The following CHUK variants were observed in gnomAD, a reference collection of about 807,000 sequenced individuals.
CHUK encodes component of inhibitor of nuclear factor kappa B kinase complex.
CHUK carries 35 observed loss-of-function variants against 104.8 expected under a neutral mutation model. The ratio of observed to expected loss-of-function variants is 0.33; its 90% CI spans 0.26 to 0.44. The LOEUF (loss-of-function observed/expected upper bound fraction) is 0.44, where lower values mean the gene tolerates loss of function less well. Ranked by LOEUF, CHUK falls within the 20% of genes least tolerant of loss-of-function variation. The pLI, the probability that CHUK is intolerant of heterozygous loss-of-function variation, is 1.00. For missense variants in CHUK, 663 were observed against 902.7 expected (o/e 0.73, Z 3.40); for synonymous variants, 276 against 291.9 (o/e 0.95, Z 0.56).
intron 14 of CHUK, among the ~76,000 whole-genome samples, chr10:100,201,797 G>A (rs1436913331): frequency 1.3e-5 from 2 of 152,134 alleles, no homozygotes; most frequent in Non-Finnish European, 2.9e-5. Flanking sequence ...AGGCTGCAGT[G>A]AGCTTTGATC....
intron 13 of CHUK, among the ~76,000 whole-genome samples, chr10:100,203,132 C>T (rs1845509215): frequency 6.6e-6 from 1 of 152,160 alleles, no homozygotes; most frequent in African/African-American, 2.4e-5. Context: ...AAAAGACTCT[C>T]TCTTCTACCC....
intron 18 of CHUK, 87 bp downstream of exon 18, chr10:100,193,897 G>A: frequency 1.7e-6 from 2 of 1,196,034 alleles, no homozygotes; most frequent in Non-Finnish European, 2.5e-6. Flanking sequence ...TCTTCAAGAG[G>A]GCCCACCTCA....
intron 4 of CHUK, among the ~76,000 whole-genome samples, chr10:100,221,328 G>A (rs760033960): frequency 3.3e-5 from 5 of 151,970 alleles, no homozygotes; most frequent in Admixed American, 1.3e-4. Context: ...CCAGCTACTC[G>A]GGAGGCTGAG....
chr10:100,194,368 G>T, intron 17 of CHUK, 57 bp downstream of exon 17: 1 of 1,306,378 alleles, frequency 7.7e-7, no homozygotes, highest in Non-Finnish European at 1.1e-6. Flanking sequence ...TGTACTTTGA[G>T]AGGAACAAGA....
chr10:100,201,202 C>T (rs1486116851), intron 14 of CHUK, among the ~76,000 whole-genome samples: 2 of 151,948 alleles, frequency 1.3e-5, no homozygotes, highest in Non-Finnish European at 2.9e-5. Flanking sequence ...GATTTCCCAC[C>T]CCAGGACACC....
chr10:100,221,824 G>C (rs1230198412), intron 4 of CHUK, among the ~76,000 whole-genome samples: 1 of 152,168 alleles, frequency 6.6e-6, no homozygotes, highest in Non-Finnish European at 1.5e-5. Context: ...TTTTAGTAGA[G>C]ATGGGGTTTC....
chr10:100,208,112 AT>A (rs927765687), intron 10 of CHUK, among the ~76,000 whole-genome samples: 8 of 148,958 alleles, frequency 5.4e-5, no homozygotes, highest in Admixed American at 6.7e-5. Context: ...ACAAAAAGAA[AT>A]TTTTTTTTTT....
intron 16 of CHUK, chr10:100,195,822 T>G (rs1251705527): frequency 2.6e-5 from 4 of 152,264 alleles, no homozygotes; most frequent in Non-Finnish European, 5.9e-5. Flanking sequence ...GGTAGCAGTT[T>G]ATTTCTGAGC....
Position 100,199,968 on chromosome 10 carries a change from T to C in CHUK, c.1729+3A>G. 1 of 1,607,816 alleles carries C rather than the reference T, an allele frequency of 6.2e-7. No homozygotes were observed. The highest frequency in any genetic ancestry group is 2.2e-5 in the East Asian group (1 of 44,800). On this transcript the variant is annotated splice_donor_region_variant and intron_variant, in intron 16 of 20. Coordinates refer to ENST00000370397, the MANE Select transcript of CHUK (RefSeq NM_001278.5). ...TTCAAGCACTGTGGTAGAAGTGTCT[T>C]ACCTGAAGGTCTGTGTTTTAACTGC...
At chr10:100,226,293 T>C (rs1846104501) in intron 1 of CHUK, among the ~76,000 whole-genome samples, 1 of 152,162 alleles carries the variant, frequency 6.6e-6, no homozygotes, top group African/African-American at 2.4e-5. Context: ...CTCTCATATA[T>C]AATGTTAGAA....
intron 9 of CHUK, among the ~76,000 whole-genome samples, chr10:100,216,440 A>C (rs548093340): frequency 1.3e-5 from 2 of 152,376 alleles, no homozygotes; most frequent in East Asian, 3.9e-4. Context: ...ACAGTAGCCC[A>C]CATCTGTAAT....
chr10:100,208,540 G>A (rs540930689), intron 10 of CHUK, among the ~76,000 whole-genome samples: 3 of 152,236 alleles, frequency 2.0e-5, no homozygotes, highest in South Asian at 2.1e-4. Flanking sequence ...AGTGGCTCAC[G>A]CCTGTAATCC....
intron 16 of CHUK, among the ~76,000 whole-genome samples, chr10:100,196,692 G>A (rs1845339011): frequency 6.6e-6 from 1 of 152,056 alleles, no homozygotes; most frequent in Admixed American, 6.6e-5. Flanking sequence ...TGAGCCACCT[G>A]GCCTGGATTC....
intron 9 of CHUK, among the ~76,000 whole-genome samples, chr10:100,214,968 C>T (rs1290980675): frequency 6.6e-6 from 1 of 152,118 alleles, no homozygotes; most frequent in African/African-American, 2.4e-5. Flanking sequence ...GGTGCAGTGG[C>T]TCATGCCTGT....
At chr10:100,214,275 C>G (rs1845802406) in intron 9 of CHUK, among the ~76,000 whole-genome samples, 2 of 152,118 alleles carry the variant, frequency 1.3e-5, no homozygotes, top group Admixed American at 1.3e-4. Flanking sequence ...ACTATTGGTA[C>G]ATACTATTAA....
chr10:100,198,739 A>C (rs1845394515), intron 16 of CHUK, among the ~76,000 whole-genome samples: 1 of 152,242 alleles, frequency 6.6e-6, no homozygotes, highest in East Asian at 1.9e-4. Context: ...TAAATGTGAA[A>C]ATAGTATATG....
intron 10 of CHUK, among the ~76,000 whole-genome samples, chr10:100,208,373 C>T (rs184870652): frequency 9.2e-5 from 14 of 152,256 alleles, no homozygotes; most frequent in Admixed American, 2.6e-4. Context: ...CCCAAAGTCC[C>T]GGGATTACAG....
At chr10:100,210,121 T>G (rs1297176809) in intron 9 of CHUK, among the ~76,000 whole-genome samples, 1 of 148,598 alleles carries the variant, frequency 6.7e-6, no homozygotes, top group Non-Finnish European at 1.5e-5. Context: ...GGAGTCTCGC[T>G]CTGTCGCCCA....
intron 12 of CHUK, 77 bp from the exon 13 acceptor site, chr10:100,204,734 A>G: frequency 8.1e-7 from 1 of 1,231,708 alleles, no homozygotes; most frequent in Non-Finnish European, 1.2e-6. Context: ...ATAATGTAAA[A>G]ACATAAACTG....
Sources: allele counts gnomAD v4.1 joint callset (sites outside exome capture counted in the v4.1 genomes callset), GRCh38; gene constraint gnomAD v4.1.1; transcripts MANE v1.5; gene names NCBI Gene and HGNC (gene_info 2026-07-23, HGNC 2026-07-21).